The following RBM10 variants were observed in gnomAD, a reference collection of about 807,000 sequenced individuals.
RBM10 encodes RNA-binding protein 10.
In RBM10, 1 loss-of-function variant was observed where a neutral mutation model predicts 84.9. That is an observed-to-expected ratio of 0.01 (90% confidence interval 0.00 to 0.06). The LOEUF is 0.06. Among genes scored for constraint, RBM10 ranks in the 10% least tolerant of loss-of-function variants. The pLI is 1.00. For synonymous variants in RBM10, 326 were observed against 344.5 expected, an observed-to-expected ratio of 0.95 and a Z score of 0.60; for missense variants, 438 against 839.0, an observed-to-expected ratio of 0.52 and a Z score of 5.90.
chrX:47,185,450 G>T lies in RBM10; in HGVS notation c.2175G>T (p.Pro725=), dbSNP rs137940243. The change falls in exon 20 of 24, where the codon CCG becomes CCT. Residue 725 remains proline, a synonymous_variant. Transcript: ENST00000377604. ...ACCCTCACCCTCTACAGAGCCCTCC[G>T]CGAGGACTGGTGGCAGCCTACAGCG... is the stretch of plus-strand genomic sequence containing the variant. ...KLASDDRPSP[P]RGLVAAYSGE... 85 of 1,172,035 alleles carry T rather than the reference G, an allele frequency of 7.3e-5. No individual in the cohort carries two copies. Among genetic ancestry groups the T allele is most frequent in the African/African-American group, 6.0e-4 (34 of 56,367 alleles).
chrX:47,182,672 G>C (rs1474622473), intron 17 of RBM10, among the ~76,000 whole-genome samples: 8 of 112,341 alleles, frequency 7.1e-5, no homozygotes, highest in African/African-American at 2.6e-4. Flanking sequence ...ATAAGGGGGT[G>C]GGCAGGAAAA....
chrX:47,185,222 C>T lies in RBM10; in HGVS notation c.2100+18C>T. The T allele has an allele frequency of 8.2e-7, 1 of 1,212,368 alleles. No homozygotes were observed. The highest frequency in any genetic ancestry group is 2.2e-5 in the Admixed American group (1 of 46,156). On this transcript the variant is annotated intron_variant, in intron 18 of 23. Transcript: ENST00000377604. ...AGAAGAAGGTGTGTTGGGGCCACCC[C>T]CCTGCACCCTGCCCCACAATCTTGT...
chrX:47,150,083 A>C (rs782543047), intron 2 of RBM10, among the ~76,000 whole-genome samples: 1 of 111,407 alleles, frequency 9.0e-6, no homozygotes, highest in East Asian at 2.8e-4. Flanking sequence ...CGGCCTCCCA[A>C]AGTGTTGGGA....
chrX:47,171,688 C>T (rs1208571136), intron 4 of RBM10, among the ~76,000 whole-genome samples: 1 of 112,311 alleles, frequency 8.9e-6, no homozygotes, highest in East Asian at 2.8e-4. Flanking sequence ...TTCTCTTTTT[C>T]CCCCATCCTT....
At chrX:47,167,480 C>T (rs1462616511) in intron 2 of RBM10, among the ~76,000 whole-genome samples, 3 of 108,806 alleles carry the variant, frequency 2.8e-5, no homozygotes, top group East Asian at 2.9e-4. Context: ...TCTCCTGCCT[C>T]AGCCTCCCAA....
At chrX:47,168,553 A>T (rs961659966) in intron 2 of RBM10, among the ~76,000 whole-genome samples, 1 of 111,383 alleles carries the variant, frequency 9.0e-6, no homozygotes, top group African/African-American at 3.3e-5. Context: ...TTCTCAAAAA[A>T]AAAAGAAAAG....
intron 17 of RBM10, 132 bp from the exon 18 acceptor site, chrX:47,184,923 T>C (rs1285928984): frequency 3.9e-6 from 3 of 774,548 alleles, no homozygotes; most frequent in Non-Finnish European, 3.8e-6. Context: ...AGATGAAGCC[T>C]TCTGCAGTGG....
intron 2 of RBM10, 145 bp downstream of exon 2, chrX:47,147,643 C>A: frequency 1.3e-6 from 1 of 753,446 alleles, no homozygotes; most frequent in Non-Finnish European, 2.0e-6. Context: ...AGGTGTTTGG[C>A]ACCTGTTGTG....
chrX:47,162,030 A>C (rs1933746431), intron 2 of RBM10, among the ~76,000 whole-genome samples: 1 of 110,118 alleles, frequency 9.1e-6, no homozygotes, highest in Non-Finnish European at 1.9e-5. Context: ...TTTAGTAGAG[A>C]CGGGGTTTCA....
At chrX:47,157,216 G>A (rs782779728) in intron 2 of RBM10, 28 of 277,483 alleles carry the variant, frequency 1.0e-4, no homozygotes, top group Middle Eastern at 1.0e-3. Flanking sequence ...AGATGGATTC[G>A]TGGTCACATT....
At chrX:47,170,916 C>T (rs1556772469) in intron 3 of RBM10, 112 bp from the exon 4 acceptor site, 12 of 790,518 alleles carry the variant, frequency 1.5e-5, no homozygotes, top group Admixed American at 2.6e-5. Context: ...AGCCGGAGCC[C>T]GCACATCCCT....
Position 47,185,786 on chromosome X carries a change from T to C in RBM10, c.2426T>C (p.Met809Thr). The change falls in exon 21 of 24, where the codon ATG becomes ACG. Residue 809 changes from methionine (M) to threonine (T), a missense_variant. By Grantham distance (81) the Met-to-Thr change is moderately conservative. This residue lies in a region of RBM10 where 92 missense variants were observed against 199.9 expected (regional missense o/e 0.46). Coordinates refer to ENST00000377604, the MANE Select transcript of RBM10 (RefSeq NM_005676.5). Reference protein sequence around the residue: ...NELEALEKNDMEQMKYRDRAA... With the variant: ...NELEALEKNDTEQMKYRDRAA... ...CTAGAAGCACTAGAGAAGAATGACA[T>C]GGAGGTGAGGTGTGACCTGACCCTG... is the stretch of plus-strand genomic sequence containing the variant. 3.3e-6 allele frequency: 4 copies of C among 1,210,867 alleles called. No homozygotes were observed. The highest frequency in any genetic ancestry group is 4.5e-6 in the Non-Finnish European group (4 of 894,998).
At chrX:47,184,957 C>T in intron 17 of RBM10, 98 bp from the exon 18 acceptor site, 1 of 1,010,696 alleles carries the variant, frequency 9.9e-7, no homozygotes, top group South Asian at 2.0e-5. Context: ...TAGTGGCTGG[C>T]CCGTGTTTGA....
chrX:47,173,077 C>T, intron 4 of RBM10, 51 bp from the exon 5 acceptor site: 1 of 1,210,732 alleles, frequency 8.3e-7, no homozygotes, highest in Admixed American at 2.2e-5. Flanking sequence ...CCTCAGGTAC[C>T]CAGCGGCCCC....
chrX:47,159,782 A>G (rs1220970585), intron 2 of RBM10, among the ~76,000 whole-genome samples: 1 of 111,960 alleles, frequency 8.9e-6, no homozygotes, highest in Non-Finnish European at 1.9e-5. Context: ...ATTCAGAAGA[A>G]TGAAACCGGA....
chrX:47,169,668 T>G (rs1388381022), intron 3 of RBM10, among the ~76,000 whole-genome samples, 170 bp downstream of exon 3: 5 of 111,864 alleles, frequency 4.5e-5, no homozygotes, highest in Non-Finnish European at 9.4e-5. Flanking sequence ...CTCTGAGGGC[T>G]CCTCTCCCAA....
intron 2 of RBM10, among the ~76,000 whole-genome samples, chrX:47,163,516 C>T (rs189468556): frequency 2.3e-4 from 26 of 111,660 alleles, no homozygotes; most frequent in East Asian, 2.8e-4. Context: ...GATGAGTTTT[C>T]GGTATGTTGC....
intron 17 of RBM10, among the ~76,000 whole-genome samples, chrX:47,184,128 G>A (rs1556781043): frequency 9.0e-6 from 1 of 111,371 alleles, no homozygotes; most frequent in Non-Finnish European, 1.9e-5. Flanking sequence ...TGTTGCATCA[G>A]GGATTAAATT....
intron 2 of RBM10, among the ~76,000 whole-genome samples, chrX:47,152,561 C>G (rs1463530573): frequency 1.9e-5 from 2 of 103,770 alleles, no homozygotes; most frequent in African/African-American, 7.1e-5. Context: ...ATTCTCCTGC[C>G]TCAGCCTTCC....
Sources: gnomAD v4.1 joint callset for allele counts (sites outside exome capture counted in the v4.1 genomes callset) on GRCh38, gnomAD v4.1.1 for gene constraint, gnomAD v4.1.1 regional missense constraint, MANE v1.5 for transcripts, NCBI Gene and HGNC (gene_info 2026-07-23, HGNC 2026-07-21) for gene names.